DDX27: variants seen among roughly 807,000 people sequenced by gnomAD.
DDX27 encodes probable ATP-dependent RNA helicase DDX27.
A neutral mutation model predicts 99.3 loss-of-function variants in DDX27; 42 were observed. The observed-to-expected ratio is 0.42, with a 90% CI of 0.33 to 0.55. The LOEUF (loss-of-function observed/expected upper bound fraction) is 0.55. Ranked by LOEUF, DDX27 falls within the 20% of genes least tolerant of loss-of-function variation. The probability of loss-of-function intolerance (pLI) is 0.07; values close to 1 mark genes in which losing one functional copy is unlikely to be tolerated. For synonymous variants in DDX27, 329 were observed against 353.8 expected (o/e 0.93, Z 0.79); for missense variants, 798 against 976.8 (o/e 0.82, Z 2.44).
At chr20:49,228,691 C>T (rs1431001117) in intron 7 of DDX27, 24 bp from the exon 8 acceptor site, 8 of 1,571,082 alleles carry the variant, frequency 5.1e-6, no homozygotes, top group Non-Finnish European at 6.1e-6. Flanking sequence ...CTTCTCATTG[C>T]TTCCTTGCTG....
rs1470852079 is a variant in DDX27, at chr20:49,241,744, C to T, written c.1898-149C>T. ...TCAGCCTCCCAAAGTGCTGAGACTA[C>T]AGGCACGAGCTACTGCACTCGGCCA... On this transcript the variant is annotated intron_variant, in intron 16 of 20. Coordinates refer to ENST00000618172, the MANE Select transcript of DDX27 (RefSeq NM_017895.8). 5 of 811,796 alleles carry T rather than the reference C, an allele frequency of 6.2e-6. No individual in the cohort carries two copies. The Admixed American group carries it at 7.3e-5, about 12-fold the overall frequency. The allele number at this position is 811,796 out of a possible 1,614,324, so 50.3% of individuals were successfully genotyped here. A position where few individuals can be genotyped will look rare whatever the true frequency, so the allele number is the denominator to read the frequency against.
chr20:49,234,654 C>T (rs1184297538), intron 11 of DDX27: 2 of 300,078 alleles, frequency 6.7e-6, no homozygotes, highest in Non-Finnish European at 1.2e-5. Flanking sequence ...CCTGGATCTT[C>T]CCATGGATCA....
At position 49,236,039 on chromosome 20, in the gene DDX27, A is replaced by G. The variant is rs546904991; in HGVS notation, c.1428-111A>G. 6.4e-5 allele frequency: 68 copies of G among 1,058,776 alleles called. No individual in the cohort carries two copies. The highest frequency in any genetic ancestry group is 3.3e-4 in the African/African-American group (21 of 62,742). The allele number at this position is 1,058,776 out of a possible 1,614,324, so 65.6% of individuals were successfully genotyped here. A position where few individuals can be genotyped will look rare whatever the true frequency, so the allele number is the denominator to read the frequency against. ...ATTACAGGCGTGAGCCACCGTGCCCAGCCTCTATCCCCATTTTAATGCCCT... is the reference window on the plus strand; with the variant it reads ...ATTACAGGCGTGAGCCACCGTGCCCGGCCTCTATCCCCATTTTAATGCCCT... On this transcript the variant is annotated intron_variant, in intron 12 of 20. Coordinates refer to ENST00000618172, the MANE Select transcript of DDX27 (RefSeq NM_017895.8). The surrounding 1 kb of genome is among the most constrained non-coding windows in gnomAD (Gnocchi z 4.1).
intron 1 of DDX27, among the ~76,000 whole-genome samples, chr20:49,220,671 C>T (rs1406402187): frequency 6.6e-6 from 1 of 152,204 alleles, no homozygotes; most frequent in African/African-American, 2.4e-5. Context: ...GGCCTTGGCT[C>T]AGCCCGCTGC....
chr20:49,233,376 A>G lies in DDX27; in HGVS notation c.1102A>G (p.Met368Val), dbSNP rs1026258749. ...AATGTGTTCCCACCACCGCCAGACC[A>G]TGCTCTTCTCGGCCACCATGACAGA... ...IRMCSHHRQT[M>V]LFSATMTDEV... is the part of the protein sequence containing the mutation. Residue 368 changes from methionine (M) to valine (V), a missense_variant, in exon 10 of 21, where the codon ATG becomes GTG. By Grantham distance (21) the Met-to-Val change is conservative. Coordinates refer to ENST00000618172, the MANE Select transcript of DDX27 (RefSeq NM_017895.8). 2 of 1,613,908 alleles carry G rather than the reference A, an allele frequency of 1.2e-6. No homozygotes were observed. Among genetic ancestry groups the G allele is most frequent in the African/African-American group, 1.3e-5 (1 of 74,900 alleles).
chr20:49,222,125 C>G (rs1979709883), intron 2 of DDX27, among the ~76,000 whole-genome samples: 1 of 152,016 alleles, frequency 6.6e-6, no homozygotes, highest in Non-Finnish European at 1.5e-5. Context: ...TGAAGTAAAC[C>G]AGCATTGCCT....
At position 49,228,955 on chromosome 20, in the gene DDX27, C is replaced by T. The variant is rs893687983; in HGVS notation, c.880+67C>T. 4.8e-5 allele frequency: 69 copies of T among 1,424,396 alleles called. No homozygotes were observed. In the African/African-American group the frequency reaches 5.2e-4, roughly 11 times the overall value. 88.2% of individuals were successfully genotyped at this position (1,424,396 alleles called of 1,614,324 possible). A position where few individuals can be genotyped will look rare whatever the true frequency, so the allele number is the denominator to read the frequency against. On this transcript the variant is annotated intron_variant, in intron 8 of 20. Transcript: ENST00000618172. ...GGTGGGGTGGAGGATGGATGTGCCCCGCCATCTGTTGGTGTTGGTGACAGG... is the reference window on the plus strand; with the variant it reads ...GGTGGGGTGGAGGATGGATGTGCCCTGCCATCTGTTGGTGTTGGTGACAGG...
rs144263892 is a variant in DDX27 at position 49,220,279 on chromosome 20, G to C, written c.93+738G>C. Among the ~76,000 whole-genome samples, 339 of 152,194 alleles carry C rather than the reference G, an allele frequency of 2.2e-3. 1 individual carries two copies. The highest frequency in any genetic ancestry group is 3.8e-3 in the Non-Finnish European group (259 of 68,010). On this transcript the variant is annotated intron_variant, in intron 1 of 20. Transcript: ENST00000618172. ...TCTTCCTCACCGCCGCCAGTGCTCT[G>C]CAAGCTAGCTCATGAATCTCTCTTA... is the stretch of plus-strand genomic sequence containing the variant.
At chr20:49,224,915 C>A in intron 4 of DDX27, 30 bp from the exon 5 acceptor site, 3 of 1,613,338 alleles carry the variant, frequency 1.9e-6, no homozygotes, top group Non-Finnish European at 2.5e-6. Context: ...AAGTCTGAGC[C>A]GTGGTCATCA....
chr20:49,226,574 T>TA (rs1979896141), intron 7 of DDX27, 39 bp downstream of exon 7: 9 of 1,519,888 alleles, frequency 5.9e-6, no homozygotes, highest in African/African-American at 1.4e-5. Flanking sequence ...AGAAGGGTGT[T>TA]ACGGCCAGGG....
At position 49,219,558 on chromosome 20, in the gene DDX27, G is replaced by T; in HGVS notation, c.93+17G>T. On this transcript the variant is annotated intron_variant, in intron 1 of 20. Transcript: ENST00000618172. ...GAAGAGGAGGTATGAGCACGGTTCT[G>T]GTCTTTGGGTTTCCTTGACTGCTTC... 6.3e-7 allele frequency: 1 copy of T among 1,588,314 alleles called. No homozygotes were observed. Among genetic ancestry groups the T allele is most frequent in the Non-Finnish European group, 8.6e-7 (1 of 1,164,268 alleles).
intron 9 of DDX27, among the ~76,000 whole-genome samples, chr20:49,231,461 A>G (rs1980107841): frequency 6.6e-6 from 1 of 152,174 alleles, no homozygotes; most frequent in South Asian, 2.1e-4. Context: ...AGGGGGAGGG[A>G]AACTATTCAA....
At chr20:49,223,729 A>G (rs1401337169) in intron 4 of DDX27, among the ~76,000 whole-genome samples, 1 of 152,016 alleles carries the variant, frequency 6.6e-6, no homozygotes, top group Admixed American at 6.6e-5. Flanking sequence ...GAAAATACAA[A>G]AATAAGCTTG....
chr20:49,233,657 G>A lies in DDX27; in HGVS notation c.1221G>A (p.Glu407=). 6.2e-7 allele frequency: 1 copy of A among 1,614,034 alleles called. No homozygotes were observed. The highest frequency in any genetic ancestry group is 8.5e-7 in the Non-Finnish European group (1 of 1,179,998). ...ATGTGGCTCCCTTCCTGCGGCAGGA[G>A]TTCATCCGGATCCGGCCTAATCGTG... is the stretch of plus-strand genomic sequence containing the variant. ...NTDVAPFLRQ[E]FIRIRPNREG... Residue 407 remains glutamate (E), a synonymous_variant, in exon 11 of 21, where the codon GAG becomes GAA. Coordinates refer to ENST00000618172, the MANE Select transcript of DDX27 (RefSeq NM_017895.8).
intron 9 of DDX27, 30 bp downstream of exon 9, chr20:49,230,379 C>T (rs1980063612): frequency 6.3e-7 from 1 of 1,589,198 alleles, no homozygotes. Context: ...GCCCAGGGCA[C>T]TGTGGGGTTC....
intron 3 of DDX27, 88 bp from the exon 4 acceptor site, chr20:49,223,180 C>G: frequency 6.9e-7 from 1 of 1,448,520 alleles, no homozygotes; most frequent in Non-Finnish European, 9.4e-7. Flanking sequence ...CACAGCCGTT[C>G]ATTCAGGCCG....
chr20:49,227,716 C>T (rs748245840), intron 7 of DDX27, among the ~76,000 whole-genome samples: 8 of 151,984 alleles, frequency 5.3e-5, no homozygotes, highest in African/African-American at 9.7e-5. Context: ...AGAGGATGTC[C>T]GGTCTAGTAG....
chr20:49,229,826 A>G (rs1476177999), intron 8 of DDX27, among the ~76,000 whole-genome samples: 2 of 151,882 alleles, frequency 1.3e-5, no homozygotes, highest in East Asian at 1.9e-4. Flanking sequence ...ATGTATTTTT[A>G]ATAGAGATGG....
At chr20:49,227,104 C>A (rs909160319) in intron 7 of DDX27, among the ~76,000 whole-genome samples, 8 of 147,152 alleles carry the variant, frequency 5.4e-5, no homozygotes, top group Non-Finnish European at 1.1e-4. Context: ...CCTCGTGATC[C>A]GCCCGCCTTG....
Sources: gnomAD v4.1 joint callset for allele counts (sites outside exome capture counted in the v4.1 genomes callset) on GRCh38, gnomAD v4.1.1 for gene constraint, Gnocchi (gnomAD v3.1) non-coding constraint, MANE v1.5 for transcripts, NCBI Gene and HGNC (gene_info 2026-07-23, HGNC 2026-07-21) for gene names.